KMT2C: variants seen among roughly 807,000 people sequenced by gnomAD.
The protein encoded by KMT2C is histone-lysine N-methyltransferase 2C.
KMT2C carries 88 observed loss-of-function variants against 507.9 expected under a neutral mutation model. The ratio of observed to expected loss-of-function variants is 0.17; its 90% confidence interval spans 0.15 to 0.21. KMT2C has a LOEUF of 0.21. KMT2C is among the 10% of genes least tolerant of loss of function. KMT2C has a pLI of 1.00. For synonymous variants in KMT2C, 2,049 were observed against 2,080.8 expected (o/e 0.98, Z 0.42); for missense variants, 4,954 against 5,957.8 (o/e 0.83, Z 5.55).
intron 1 of KMT2C, among the ~76,000 whole-genome samples, chr7:152,380,542 T>C (rs1411626021): frequency 2.0e-5 from 3 of 147,902 alleles, no homozygotes; most frequent in Admixed American, 1.4e-4. Flanking sequence ...CACTCCAGCC[T>C]GGGCAACAAG....
rs757463066 is a variant in KMT2C, at chr7:152,238,831, G to A, written c.2533-5C>T. The A allele has an allele frequency of 5.1e-6, 8 of 1,564,570 alleles. No homozygotes were observed. Among genetic ancestry groups the A allele is most frequent in the African/African-American group, 2.8e-5 (2 of 72,134 alleles). On this transcript the variant is annotated splice_region_variant and splice_polypyrimidine_tract_variant and intron_variant, in intron 14 of 58. Coordinates refer to ENST00000262189, the MANE Select transcript of KMT2C (RefSeq NM_170606.3). ...ATTATGGGTACTCCAAGCCCCCTAG[G>A]ATATGGCAGTTGAGAAAATAGATGT...
chr7:152,177,490 C>T lies in KMT2C; in HGVS notation c.7963G>A (p.Gly2655Ser), dbSNP rs947022630. ...GACAAAGGAGCTTCTGAAAATTCAC[C>T]ACCTAGTGGATGGTTCAGAGTCCTC... ...VMRTLNHPLG[G>S]EFSEAPLSTS... is the part of the protein sequence containing the mutation. Residue 2655 changes from glycine to serine, a missense_variant, in exon 38 of 59, where the codon GGT becomes AGT. Coordinates refer to ENST00000262189, the MANE Select transcript of KMT2C (RefSeq NM_170606.3). 2 of 1,614,054 alleles carry T rather than the reference C, an allele frequency of 1.2e-6. No individual in the cohort carries two copies. Among genetic ancestry groups the T allele is most frequent in the Admixed American group, 1.7e-5 (1 of 60,002 alleles).
chr7:152,328,893 G>A (rs563559011), intron 3 of KMT2C, among the ~76,000 whole-genome samples: 7 of 152,214 alleles, frequency 4.6e-5, no homozygotes, highest in South Asian at 2.1e-4. Context: ...TGAGGAAATC[G>A]TAGGGAGAAG....
intron 2 of KMT2C, among the ~76,000 whole-genome samples, chr7:152,356,020 G>C (rs2097148364): frequency 6.6e-6 from 1 of 151,860 alleles, no homozygotes; most frequent in African/African-American, 2.4e-5. Flanking sequence ...ACATGAGAGG[G>C]GACACAATGG....
At chr7:152,410,515 C>T (rs1589824578) in intron 1 of KMT2C, among the ~76,000 whole-genome samples, 4 of 151,720 alleles carry the variant, frequency 2.6e-5, no homozygotes, top group African/African-American at 9.7e-5. Context: ...GAGGTGGAGG[C>T]TGCAGTGAGC....
chr7:152,181,909 A>T lies in KMT2C; in HGVS notation c.5951T>A (p.Leu1984Gln), dbSNP rs1171800610. ...MTDQFPKSLG[L>Q]SRSPVVSEQT... Reference sequence around the variant, plus strand: ...TTCTGAAACTACAGGAGACCGGGATAGGCCCAAGGATTTGGGAAATTGATC... The same window carrying T: ...TTCTGAAACTACAGGAGACCGGGATTGGCCCAAGGATTTGGGAAATTGATC... The change falls in exon 36 of 59, where the codon CTA (leucine) becomes CAA (glutamine). Residue 1984 changes from leucine (L) to glutamine (Q), a missense_variant. Leu to Gln is a moderately radical substitution (Grantham distance 113, BLOSUM62 -2). Coordinates refer to ENST00000262189, the MANE Select transcript of KMT2C (RefSeq NM_170606.3). 6.2e-7 allele frequency: 1 copy of T among 1,614,194 alleles called. No homozygotes were observed. The highest frequency in any genetic ancestry group is 1.7e-5 in the Admixed American group (1 of 60,028).
intron 53 of KMT2C, 73 bp from the exon 54 acceptor site, chr7:152,145,368 G>C: frequency 6.8e-7 from 1 of 1,468,830 alleles, no homozygotes; most frequent in East Asian, 2.3e-5. Flanking sequence ...GCTGGTCAAA[G>C]GATGGCCCAC....
At chr7:152,187,923 C>A in intron 31 of KMT2C, 76 bp from the exon 32 acceptor site, 1 of 1,448,892 alleles carries the variant, frequency 6.9e-7, no homozygotes, top group Non-Finnish European at 9.6e-7. Flanking sequence ...GGCCCTTGAA[C>A]AACATGGTTT....
chr7:152,197,929 T>G (rs571151330), intron 27 of KMT2C, among the ~76,000 whole-genome samples: 7 of 151,028 alleles, frequency 4.6e-5, no homozygotes, highest in Non-Finnish European at 8.9e-5. Flanking sequence ...AAAAAATAAA[T>G]AAAGAAAAAA....
chr7:152,348,621 A>AG (rs1432987849), intron 2 of KMT2C, among the ~76,000 whole-genome samples: 365 of 143,016 alleles, frequency 2.6e-3, no homozygotes, highest in African/African-American at 9.8e-3. Context: ...AAAAAAAAAA[A>AG]AAAGAAAGAA....
intron 1 of KMT2C, among the ~76,000 whole-genome samples, chr7:152,370,215 TAA>T (rs2097283705): frequency 6.8e-6 from 1 of 147,320 alleles, no homozygotes; most frequent in South Asian, 2.1e-4. Flanking sequence ...AAGAAGACAA[TAA>T]AAGAGCAGTA....
chr7:152,212,357 A>G (rs1172295842), intron 23 of KMT2C, among the ~76,000 whole-genome samples: 2 of 152,248 alleles, frequency 1.3e-5, no homozygotes, highest in Admixed American at 1.3e-4. Context: ...CTTTTCTTCA[A>G]TATCTGCTAC....
chr7:152,222,019 T>A lies in KMT2C; in HGVS notation c.3481A>T (p.Thr1161Ser), dbSNP rs1435594850. 2.5e-6 allele frequency: 4 copies of A among 1,605,106 alleles called. No individual in the cohort carries two copies. Among genetic ancestry groups the A allele is most frequent in the Non-Finnish European group, 3.4e-6 (4 of 1,176,600 alleles). Residue 1161 changes from threonine (T) to serine (S), a missense_variant, in exon 22 of 59, where the codon ACA (threonine) becomes TCA (serine). Physicochemically the swap from Thr to Ser is moderately conservative, Grantham distance 58 (BLOSUM62 1). Around this residue, in one of 29 missense-constraint regions of KMT2C, gnomAD observed 176 missense variants for 262.0 expected, o/e 0.67. Transcript: ENST00000262189. Reference protein sequence around the residue: ...CESSLVAQIVTKVKELDPPKT... With the variant: ...CESSLVAQIVSKVKELDPPKT... The stretch of plus-strand genomic sequence containing the variant: ...ATTTTACCTAGCTCTTTTACTTTTG[T>A]GACAATTTGTGCTACAAGTGAAGAT...
chr7:152,286,215 G>A (rs2096294671), intron 6 of KMT2C, among the ~76,000 whole-genome samples: 1 of 152,310 alleles, frequency 6.6e-6, no homozygotes, highest in African/African-American at 2.4e-5. Context: ...GAGTTACAGA[G>A]GAAGAGGAGA....
chr7:152,292,865 G>A (rs1212959254), intron 6 of KMT2C, among the ~76,000 whole-genome samples: 1 of 152,060 alleles, frequency 6.6e-6, no homozygotes, highest in Non-Finnish European at 1.5e-5. Context: ...TTTAAGGTCA[G>A]GCCAAACTCT....
intron 34 of KMT2C, 88 bp from the exon 35 acceptor site, chr7:152,183,244 A>C: frequency 9.1e-7 from 1 of 1,094,376 alleles, no homozygotes. Context: ...TTCTCAAATA[A>C]AAGAAAAAAA....
chr7:152,187,645 A>C, intron 32 of KMT2C, 70 bp downstream of exon 32: 1 of 1,531,922 alleles, frequency 6.5e-7, no homozygotes, highest in Non-Finnish European at 8.9e-7. Context: ...TCATTTAAGC[A>C]GACTAATTTA....
intron 1 of KMT2C, among the ~76,000 whole-genome samples, chr7:152,364,127 A>C (rs2097217913): frequency 6.6e-6 from 1 of 152,222 alleles, no homozygotes; most frequent in South Asian, 2.1e-4. Flanking sequence ...CTCTGTATGA[A>C]AAAAATAAAT....
At chr7:152,213,434 T>C (rs1186328819) in intron 23 of KMT2C, among the ~76,000 whole-genome samples, 1 of 152,138 alleles carries the variant, frequency 6.6e-6, no homozygotes, top group South Asian at 2.1e-4. Context: ...GAGCTAATTT[T>C]TGACAAGTCC....
Sources: gnomAD v4.1 joint callset for allele counts (sites outside exome capture counted in the v4.1 genomes callset) on GRCh38, gnomAD v4.1.1 for gene constraint, gnomAD v4.1.1 regional missense constraint, MANE v1.5 for transcripts, NCBI Gene and HGNC (gene_info 2026-07-23, HGNC 2026-07-21) for gene names.